The following DNAH2 variants were observed in gnomAD, a reference collection of about 807,000 sequenced individuals.
The protein encoded by DNAH2 is dynein axonemal heavy chain 2.
Under a neutral mutation model 523.5 loss-of-function variants are expected in DNAH2, and 323 were observed. The observed-to-expected ratio is 0.62, with a 90% CI of 0.56 to 0.68. The LOEUF is 0.68. Among genes scored for constraint, DNAH2 ranks in the 30% least tolerant of loss-of-function variants. The pLI is 0.00. For synonymous variants in DNAH2, 2,093 were observed against 2,177.4 expected (o/e 0.96, Z 1.08); for missense variants, 4,907 against 5,701.5 (o/e 0.86, Z 4.49).
chr17:7,786,271 T>A lies in DNAH2; in HGVS notation c.6277T>A (p.Ser2093Thr). ...VGCTGSGKTASWRILQASLSS... is the reference protein window; with the variant it reads ...VGCTGSGKTATWRILQASLSS... The stretch of plus-strand genomic sequence containing the variant: ...CTGCACGGGCAGCGGCAAGACTGCC[T>A]CATGGCGCATTCTACAGGCCTCCCT... The change falls in exon 40 of 86, where the codon TCA becomes ACA. Residue 2093 changes from serine (S) to threonine (T), a missense_variant. Physicochemically the swap from Ser to Thr is moderately conservative, Grantham distance 58 (BLOSUM62 1). Transcript: ENST00000572933. This position sits in a 1 kb window ranked among gnomAD's most constrained non-coding sequence, Gnocchi z 7.5. The A allele has an allele frequency of 1.2e-6, 2 of 1,614,028 alleles. No individual in the cohort carries two copies. The highest frequency in any genetic ancestry group is 1.7e-6 in the Non-Finnish European group (2 of 1,179,998).
At chr17:7,759,175 A>C (rs2075933612) in intron 15 of DNAH2, 51 bp downstream of exon 15, 2 of 1,606,398 alleles carry the variant, frequency 1.2e-6, no homozygotes, top group South Asian at 2.2e-5. Flanking sequence ...ACAGTCCCCC[A>C]GTTCCATCAG....
rs367747513 is a variant in DNAH2 at position 7,829,592 on chromosome 17, A to C, written c.11854-708A>C. ...CTTGATGATATATTATGGACTTTTT[A>C]ATCTACACTAACCTTTGCACGCAAT... On this transcript the variant is annotated intron_variant, in intron 77 of 85. Transcript: ENST00000572933. Among the ~76,000 whole-genome samples, 309 of 150,630 alleles carry C rather than the reference A, an allele frequency of 2.1e-3. 1 individual carries two copies. The highest frequency in any genetic ancestry group is 7.1e-3 in the African/African-American group (290 of 40,866).
Position 7,765,374 on chromosome 17 carries a change from C to T in DNAH2, c.3337-17C>T. 1 of 1,606,282 alleles carries T rather than the reference C, an allele frequency of 6.2e-7. No homozygotes were observed. The highest frequency in any genetic ancestry group is 2.2e-5 in the East Asian group (1 of 44,838). ...ACCTCCTGCTCCTGGTCATCCTCCA[C>T]TCTCTGACTCCCCCAGGTCCTGGAG... is the stretch of plus-strand genomic sequence containing the variant. On this transcript the variant is annotated splice_polypyrimidine_tract_variant and intron_variant, in intron 20 of 85. Transcript: ENST00000572933.
intron 7 of DNAH2, among the ~76,000 whole-genome samples, chr17:7,735,134 T>A: frequency 6.6e-6 from 1 of 152,304 alleles, no homozygotes; most frequent in East Asian, 1.9e-4. Flanking sequence ...TCTTTTCTTT[T>A]TTATTATTAT....
chr17:7,766,326 A>T lies in DNAH2; in HGVS notation c.3520A>T (p.Thr1174Ser). 6.2e-7 allele frequency: 1 copy of T among 1,613,450 alleles called. No individual in the cohort carries two copies. Among genetic ancestry groups the T allele is most frequent in the Non-Finnish European group, 8.5e-7 (1 of 1,179,584 alleles). Residue 1174 changes from threonine to serine, a missense_variant, in exon 22 of 86, where the codon ACC (threonine) becomes TCC (serine). Around this residue, in one of 3 missense-constraint regions of DNAH2, gnomAD observed 2,806 missense variants for 3,190.8 expected, o/e 0.88. Transcript: ENST00000572933. ...TCCTGAATCCTCCACAGGCCATTTC[A>T]CCAGCAACGTGGGATACATGTCTGC... ...LEDFEFKGHF[T>S]SNVGYMSALD...
At chr17:7,765,294 C>T (rs984437097) in intron 20 of DNAH2, 97 bp from the exon 21 acceptor site, 11 of 1,027,936 alleles carry the variant, frequency 1.1e-5, no homozygotes, top group Non-Finnish European at 1.4e-5. Context: ...TCATCCTCCA[C>T]TCATGAGAGG....
intron 32 of DNAH2, 62 bp downstream of exon 32, chr17:7,776,951 TAGG>T (rs1380191466): frequency 7.2e-7 from 1 of 1,386,020 alleles, no homozygotes; most frequent in East Asian, 2.5e-5. Flanking sequence ...GCAGAGGTGG[TAGG>T]AGCCCACTCG....
At chr17:7,773,639 A>G (rs750581530) in intron 28 of DNAH2, among the ~76,000 whole-genome samples, 2 of 152,226 alleles carry the variant, frequency 1.3e-5, no homozygotes, top group Non-Finnish European at 2.9e-5. Flanking sequence ...CTGAGGCTGT[A>G]ACTTTTGCAG....
rs528011160 is a variant in DNAH2, at chr17:7,804,325, C to A, written c.9042C>A (p.Ile3014=). ...ANKLRTGLFK[I]DETREKVQVM... ...AACTGCGGACAGGCTTGTTCAAGAT[C>A]GACGAAACTAGGGAAAAGGTGCAAG... The change falls in exon 59 of 86, where the codon ATC becomes ATA. Residue 3014 remains isoleucine (I), a synonymous_variant. Coordinates refer to ENST00000572933, the MANE Select transcript of DNAH2 (RefSeq NM_020877.5). The A allele has an allele frequency of 1.9e-6, 3 of 1,614,016 alleles. No individual in the cohort carries two copies. The African/African-American group carries it at 4.0e-5, about 22-fold the overall frequency.
At chr17:7,805,938 A>G in intron 61 of DNAH2, among the ~76,000 whole-genome samples, 1 of 152,352 alleles carries the variant, frequency 6.6e-6, no homozygotes, top group Middle Eastern at 3.4e-3. Context: ...TAAAAAGAGA[A>G]AAAGAAAAAA....
At chr17:7,762,767 T>C (rs1196094590) in intron 18 of DNAH2, among the ~76,000 whole-genome samples, 1 of 151,790 alleles carries the variant, frequency 6.6e-6, no homozygotes, top group African/African-American at 2.4e-5. Context: ...ATCTGCAACA[T>C]AGGCACAGGA....
At chr17:7,772,034 G>T (rs1357296012) in intron 28 of DNAH2, among the ~76,000 whole-genome samples, 1 of 152,092 alleles carries the variant, frequency 6.6e-6, no homozygotes. Flanking sequence ...CTTTCTTTTA[G>T]CAGATTAACT....
intron 21 of DNAH2, among the ~76,000 whole-genome samples, chr17:7,766,028 C>T (rs2076157369): frequency 6.6e-6 from 1 of 152,116 alleles, no homozygotes; most frequent in Non-Finnish European, 1.5e-5. Context: ...CTGCCTGCCT[C>T]GGCCTCCCAA....
chr17:7,818,146 G>A (rs1252697283), intron 68 of DNAH2, 50 bp downstream of exon 68: 2 of 1,606,986 alleles, frequency 1.2e-6, no homozygotes, highest in East Asian at 4.5e-5. Context: ...GGGAGGGAAG[G>A]GCTGGCTCTC....
At chr17:7,743,365 A>G (rs543685768) in intron 12 of DNAH2, 4 of 708,712 alleles carry the variant, frequency 5.6e-6, no homozygotes, top group Admixed American at 2.0e-5. Flanking sequence ...TTAAAACACA[A>G]CAAAACAAAA....
chr17:7,831,401 G>C lies in DNAH2; in HGVS notation c.12471G>C (p.Leu4157Phe), dbSNP rs750719080. The C allele has an allele frequency of 6.8e-6, 11 of 1,614,012 alleles. No individual in the cohort carries two copies. The highest frequency in any genetic ancestry group is 9.3e-6 in the Non-Finnish European group (11 of 1,180,032). Residue 4157 changes from leucine to phenylalanine, a missense_variant, in exon 81 of 86, where the codon TTG becomes TTC. By Grantham distance (22) the Leu-to-Phe change is conservative. Coordinates refer to ENST00000572933, the MANE Select transcript of DNAH2 (RefSeq NM_020877.5). The surrounding 1 kb of genome is among the most constrained non-coding windows in gnomAD (Gnocchi z 4.2). ...GQTREEKVLE[L>F]AADVKQKIPE... ...TCCTGCCTGCTCAGGTCCTTGAGTT[G>C]GCCGCTGATGTGAAGCAGAAGATCC...
At chr17:7,726,133 G>C (rs2074800584) in intron 3 of DNAH2, among the ~76,000 whole-genome samples, 1 of 152,000 alleles carries the variant, frequency 6.6e-6, no homozygotes, top group Admixed American at 6.6e-5. Flanking sequence ...AGCCTCCCAA[G>C]TAGCTGGGAT....
intron 63 of DNAH2, among the ~76,000 whole-genome samples, chr17:7,813,062 C>T (rs9912616): frequency 0.29 from 43,429 of 151,916 alleles, 6,735 homozygotes; most frequent in Middle Eastern, 0.38. Context: ...CACTGGCTGC[C>T]TCTAAAGAAG....
chr17:7,776,269 C>T, intron 31 of DNAH2, 120 bp downstream of exon 31: 2 of 1,199,604 alleles, frequency 1.7e-6, no homozygotes, highest in South Asian at 1.5e-5. Context: ...AGTTCAAGAC[C>T]AGCCTGGCCA....
Sources: allele counts gnomAD v4.1 joint callset (sites outside exome capture counted in the v4.1 genomes callset), GRCh38; gene constraint gnomAD v4.1.1; regional missense constraint gnomAD v4.1.1; non-coding constraint Gnocchi (gnomAD v3.1); transcripts MANE v1.5; gene names NCBI Gene and HGNC (gene_info 2026-07-23, HGNC 2026-07-21).